TBX5: variants seen among roughly 807,000 people sequenced by gnomAD.
TBX5 encodes the protein T-box transcription factor 5, also known as T-box transcription factor TBX5.
TBX5 carries 8 observed loss-of-function variants against 51.1 expected under a neutral mutation model. The ratio of observed to expected loss-of-function variants is 0.16; its 90% CI spans 0.09 to 0.28. The LOEUF (loss-of-function observed/expected upper bound fraction) is 0.28, where lower values mean the gene tolerates loss of function less well. Ranked by LOEUF, TBX5 falls within the 10% of genes least tolerant of loss-of-function variation. TBX5 has a pLI of 1.00. For synonymous variants in TBX5, 302 were observed against 266.4 expected, an observed-to-expected ratio of 1.13 and a Z score of -1.30; for missense variants, 589 against 671.7, an observed-to-expected ratio of 0.88 and a Z score of 1.36.
rs56315440 is a variant in TBX5, at chr12:114,365,829, C to CAA, written c.982+334_982+335dup. Among the ~76,000 whole-genome samples the CAA allele has an allele frequency of 0.077, 9,553 of 124,184 alleles. 556 individuals carry two copies. The highest frequency in any genetic ancestry group is 0.34 in the East Asian group (1,378 of 4,068). The allele number at this position is 124,184 out of a possible 152,430, so 81.5% of individuals were successfully genotyped here. The stretch of plus-strand genomic sequence containing the variant: ...TGGGTGATAGAGCAAGATCCTGTCT[C>CAA]AAAAAAAAAAAAAAAAGAAAAAAAA... On this transcript the variant is annotated intron_variant, in intron 8 of 8. Coordinates refer to ENST00000405440, the MANE Select transcript of TBX5 (RefSeq NM_181486.4).
In TBX5 at chr12:114,397,240, A is replaced by C. The variant is rs147210506; in HGVS notation, c.510+1333T>G. 1.7e-3 allele frequency among the ~76,000 whole-genome samples: 265 copies of C among 152,226 alleles called. 1 individual carries two copies. Among genetic ancestry groups the C allele is most frequent in the African/African-American group, 5.6e-3 (234 of 41,534 alleles). ...ATCTGTTGCTCCTCTTTGAAGCTAC[A>C]ACCTTCCAGGACAGGGAACTCCTTT... On this transcript the variant is annotated intron_variant, in intron 5 of 8. Transcript: ENST00000405440.
chr12:114,372,695 C>T (rs950823724), intron 7 of TBX5, among the ~76,000 whole-genome samples: 4 of 152,158 alleles, frequency 2.6e-5, no homozygotes, highest in Middle Eastern at 3.4e-3. Flanking sequence ...CCTTAAGTAC[C>T]CACCACTTGT....
Position 114,398,710 on chromosome 12 carries a change from C to T in TBX5, c.373G>A (p.Gly125Ser). 1 of 1,600,864 alleles carries T rather than the reference C, an allele frequency of 6.2e-7. No individual in the cohort carries two copies. Among genetic ancestry groups the T allele is most frequent in the South Asian group, 1.1e-5 (1 of 88,746 alleles). ...CCAGGCATGGCGGGCTCAGCTTTGC[C>T]CGTCACAGACCTAGATGAAGGAGAG... ...KFADNKWSVT[G>S]KAEPAMPGRL... The change falls in exon 5 of 9, where the codon GGC becomes AGC. Residue 125 changes from glycine (G) to serine (S), a missense_variant. Transcript: ENST00000405440.
intron 8 of TBX5, 131 bp downstream of exon 8, chr12:114,366,034 A>G: frequency 9.4e-7 from 1 of 1,067,974 alleles, no homozygotes; most frequent in Non-Finnish European, 1.4e-6. Context: ...TTATCTCCAT[A>G]TATTTTTGTG....
rs567785340 is a variant in TBX5 at position 114,403,842 on chromosome 12, T to G, written c.57A>C (p.Ala19=). 1.6e-5 allele frequency: 26 copies of G among 1,613,980 alleles called. No individual in the cohort carries two copies. The highest frequency in any genetic ancestry group is 2.1e-5 in the Non-Finnish European group (25 of 1,180,014). Residue 19 remains alanine, a synonymous_variant, in exon 2 of 9, where the codon GCA becomes GCC. Coordinates refer to ENST00000405440, the MANE Select transcript of TBX5 (RefSeq NM_181486.4). The part of the protein sequence containing the change: ...GLAHTPLEPD[A]KDLPCDSKPE... ...GTTTCGAATCGCAGGGCAGGTCTTT[T>G]GCGTCAGGCTCCAGAGGCGTGTGCG...
chr12:114,375,228 C>T (rs1351358768), intron 7 of TBX5, among the ~76,000 whole-genome samples: 3 of 152,180 alleles, frequency 2.0e-5, no homozygotes, highest in Non-Finnish European at 4.4e-5. Context: ...TTCTCTAGAA[C>T]CAAGGGATTA....
At position 114,383,469 on chromosome 12, in the gene TBX5, G is replaced by T. The variant is rs150084722; in HGVS notation, c.755+2007C>A. Among the ~76,000 whole-genome samples the T allele has an allele frequency of 2.6e-5, 4 of 152,292 alleles. No individual in the cohort carries two copies. In the East Asian group the frequency reaches 7.7e-4, roughly 29 times the overall value. ...GGCCAGGCCAGATGGGAAGGTCATG[G>T]CTAACCAGGCAAAAGAGTCCAAACC... On this transcript the variant is annotated intron_variant, in intron 7 of 8. Transcript: ENST00000405440.
intron 7 of TBX5, among the ~76,000 whole-genome samples, chr12:114,379,131 C>T (rs1398231869): frequency 6.6e-6 from 1 of 152,148 alleles, no homozygotes; most frequent in Non-Finnish European, 1.5e-5. Context: ...CCTTCCGTTA[C>T]CGGTAGCCCA....
At chr12:114,402,723 A>G (rs1195822095) in intron 2 of TBX5, among the ~76,000 whole-genome samples, 3 of 152,200 alleles carry the variant, frequency 2.0e-5, no homozygotes, top group Non-Finnish European at 4.4e-5. Flanking sequence ...ACATATATAT[A>G]CATATGTGCA....
At chr12:114,374,365 AC>A (rs979360699) in intron 7 of TBX5, among the ~76,000 whole-genome samples, 6 of 152,152 alleles carry the variant, frequency 3.9e-5, no homozygotes, top group Admixed American at 1.3e-4. Context: ...TACCATAATC[AC>A]CTGGGAAATT....
intron 6 of TBX5, among the ~76,000 whole-genome samples, chr12:114,393,633 T>C (rs1161455956): frequency 4.6e-5 from 7 of 152,180 alleles, no homozygotes; most frequent in Non-Finnish European, 8.8e-5. Context: ...CCTGCCGCTA[T>C]AGGCAGCCTG....
Position 114,355,815 on chromosome 12 carries a change from T to C in TBX5, c.1274A>G (p.His425Arg). The change falls in exon 9 of 9, where the codon CAC (histidine) becomes CGC (arginine). Residue 425 changes from histidine to arginine, a missense_variant. By Grantham distance (29) the His-to-Arg change is conservative (BLOSUM62 0). Coordinates refer to ENST00000405440, the MANE Select transcript of TBX5 (RefSeq NM_181486.4). ...CCCCGAGGTGAAGTGAGCGGAGAAG[T>C]GCTGGTAGGGTAGCCTGTCCATGGG... ...VQPMDRLPYQHFSAHFTSGPL... is the reference protein window; with the variant it reads ...VQPMDRLPYQRFSAHFTSGPL... 1 of 1,614,042 alleles carries C rather than the reference T, an allele frequency of 6.2e-7. No individual in the cohort carries two copies. Among genetic ancestry groups the C allele is most frequent in the Non-Finnish European group, 8.5e-7 (1 of 1,180,034 alleles).
At chr12:114,399,217 C>T (rs970618700) in intron 4 of TBX5, among the ~76,000 whole-genome samples, 7 of 152,192 alleles carry the variant, frequency 4.6e-5, no homozygotes, top group African/African-American at 1.7e-4. Flanking sequence ...GAAATACCTC[C>T]AGCACTTGGT....
At chr12:114,357,033 T>C (rs1868963582) in intron 8 of TBX5, among the ~76,000 whole-genome samples, 1 of 152,162 alleles carries the variant, frequency 6.6e-6, no homozygotes, top group Admixed American at 6.5e-5. Context: ...GATGGATGCA[T>C]GGATGCATGG....
At chr12:114,386,646 A>T (rs1870829986) in intron 6 of TBX5, among the ~76,000 whole-genome samples, 1 of 152,244 alleles carries the variant, frequency 6.6e-6, no homozygotes, top group South Asian at 2.1e-4. Context: ...AATAAGAAGA[A>T]AATAAATATA....
chr12:114,360,719 G>A (rs1215416269), intron 8 of TBX5, among the ~76,000 whole-genome samples: 1 of 145,940 alleles, frequency 6.9e-6, no homozygotes, highest in African/African-American at 2.5e-5. Context: ...GAGTGAGTGG[G>A]TGGATGGGTG....
intron 6 of TBX5, among the ~76,000 whole-genome samples, chr12:114,389,179 C>T (rs572841691): frequency 2.6e-5 from 4 of 151,972 alleles, no homozygotes; most frequent in East Asian, 2.0e-4. Flanking sequence ...CCACCCACCT[C>T]GGCCTCCCAA....
intron 7 of TBX5, among the ~76,000 whole-genome samples, chr12:114,368,312 G>T (rs376339187): frequency 1.3e-5 from 2 of 151,940 alleles, no homozygotes; most frequent in Non-Finnish European, 2.9e-5. Context: ...TCCAGCCTGG[G>T]TGACAGAGTG....
Position 114,372,757 on chromosome 12 carries a change from A to G in TBX5, c.756-6366T>C, listed in dbSNP as rs1869982887. On this transcript the variant is annotated intron_variant, in intron 7 of 8. Coordinates refer to ENST00000405440, the MANE Select transcript of TBX5 (RefSeq NM_181486.4). ...CCCACTTGTTAAATCTGTAGATAAT[A>G]TAGTATCAGAGTGGTAGCATCAAGC... 2.0e-5 allele frequency among the ~76,000 whole-genome samples: 3 copies of G among 152,028 alleles called. No individual in the cohort carries two copies. In the South Asian group the frequency reaches 6.2e-4, roughly 32 times the overall value.
Sources: gnomAD v4.1 joint callset for allele counts (sites outside exome capture counted in the v4.1 genomes callset) on GRCh38, gnomAD v4.1.1 for gene constraint, MANE v1.5 for transcripts, NCBI Gene and HGNC (gene_info 2026-07-23, HGNC 2026-07-21) for gene names.